Variants in LRRC8D observed in about 807,000 individuals in gnomAD.
The protein encoded by LRRC8D is leucine rich repeat containing 8 VRAC subunit D.
In LRRC8D, 20 loss-of-function variants were observed where a neutral mutation model predicts 55.8. That is an observed-to-expected ratio of 0.36 (90% CI 0.25 to 0.52). The LOEUF (loss-of-function observed/expected upper bound fraction) is 0.52, where lower values mean the gene tolerates loss of function less well. Ranked by LOEUF, LRRC8D falls within the 20% of genes least tolerant of loss-of-function variation. LRRC8D has a pLI of 0.93. For synonymous variants in LRRC8D, 352 were observed against 377.0 expected (o/e 0.93, Z 0.77); for missense variants, 651 against 1,030.8 (o/e 0.63, Z 5.05).
chr1:89,822,220 G>T (rs1660653421), intron 1 of LRRC8D: 1 of 152,860 alleles, frequency 6.5e-6, no homozygotes. Context: ...GGTGGGCTGT[G>T]AGGTTCCAGG....
chr1:89,907,454 T>C (rs1663025855), intron 2 of LRRC8D, among the ~76,000 whole-genome samples: 1 of 152,016 alleles, frequency 6.6e-6, no homozygotes, highest in Non-Finnish European at 1.5e-5. Context: ...CCTCACAAAG[T>C]GCTGGGATTA....
intron 1 of LRRC8D, among the ~76,000 whole-genome samples, chr1:89,831,128 ACTC>A (rs1443200854): frequency 2.0e-5 from 3 of 151,810 alleles, no homozygotes; most frequent in Admixed American, 6.6e-5. Flanking sequence ...CTGGTCTCGA[ACTC>A]CTAACCTCAT....
chr1:89,852,334 G>C (rs1392850158), intron 2 of LRRC8D, among the ~76,000 whole-genome samples: 1 of 152,138 alleles, frequency 6.6e-6, no homozygotes, highest in Non-Finnish European at 1.5e-5. Flanking sequence ...AGATTCCTCT[G>C]TGCTCCCCTT....
intron 1 of LRRC8D, among the ~76,000 whole-genome samples, chr1:89,825,638 G>A (rs1338307936): frequency 1.3e-5 from 2 of 152,188 alleles, no homozygotes; most frequent in Non-Finnish European, 2.9e-5. Context: ...GAGGATTGAG[G>A]TTTAGAAGCA....
intron 2 of LRRC8D, among the ~76,000 whole-genome samples, chr1:89,929,191 A>G (rs1457569440): frequency 6.6e-6 from 1 of 152,250 alleles, no homozygotes; most frequent in Admixed American, 6.5e-5. Context: ...GGGCGGAGGT[A>G]CAGAGTATTG....
chr1:89,840,076 A>G (rs961142168), intron 1 of LRRC8D, among the ~76,000 whole-genome samples: 3 of 152,344 alleles, frequency 2.0e-5, no homozygotes, highest in African/African-American at 2.4e-5. Flanking sequence ...GGATTATGGT[A>G]CTTAGGGAGT....
chr1:89,862,763 A>G (rs1443349543), intron 2 of LRRC8D, among the ~76,000 whole-genome samples: 2 of 151,994 alleles, frequency 1.3e-5, no homozygotes, highest in Non-Finnish European at 2.9e-5. Context: ...TTTTTTTTAC[A>G]TTTCCTGCTT....
intron 2 of LRRC8D, among the ~76,000 whole-genome samples, chr1:89,892,749 T>C (rs1221311520): frequency 2.6e-5 from 4 of 152,216 alleles, no homozygotes; most frequent in Non-Finnish European, 5.9e-5. Context: ...CTCGATCTTC[T>C]GACCTCATGA....
chr1:89,862,991 A>AG (rs1421498651), intron 2 of LRRC8D, among the ~76,000 whole-genome samples: 3 of 152,204 alleles, frequency 2.0e-5, no homozygotes, highest in Admixed American at 2.0e-4. Flanking sequence ...TGTTATTATA[A>AG]AAGTAATAAA....
At chr1:89,834,642 A>G (rs957088586) in intron 1 of LRRC8D, among the ~76,000 whole-genome samples, 6 of 152,258 alleles carry the variant, frequency 3.9e-5, no homozygotes, top group African/African-American at 1.4e-4. Flanking sequence ...TATATGTTGT[A>G]ATTCTTGTGA....
chr1:89,868,743 G>A (rs1374349646), intron 2 of LRRC8D, among the ~76,000 whole-genome samples: 2 of 152,208 alleles, frequency 1.3e-5, no homozygotes, highest in Admixed American at 1.3e-4. Flanking sequence ...TATCATACCA[G>A]CTCTAAAGAG....
intron 2 of LRRC8D, among the ~76,000 whole-genome samples, chr1:89,873,348 A>G (rs1310760420): frequency 6.6e-6 from 1 of 152,232 alleles, no homozygotes; most frequent in Non-Finnish European, 1.5e-5. Context: ...TTGCATATAT[A>G]CACTTTTTAG....
At chr1:89,828,014 G>C (rs920578127) in intron 1 of LRRC8D, among the ~76,000 whole-genome samples, 3 of 152,166 alleles carry the variant, frequency 2.0e-5, no homozygotes, top group Non-Finnish European at 4.4e-5. Flanking sequence ...ATGGAGTTTA[G>C]TTTTGAAAAC....
chr1:89,857,834 T>G (rs911275551), intron 2 of LRRC8D, among the ~76,000 whole-genome samples: 12 of 152,222 alleles, frequency 7.9e-5, no homozygotes, highest in African/African-American at 2.9e-4. Context: ...GCCCCACTAT[T>G]TCTGCATTAT....
At chr1:89,925,810 A>AAT (rs1663547778) in intron 2 of LRRC8D, among the ~76,000 whole-genome samples, 2 of 152,246 alleles carry the variant, frequency 1.3e-5, no homozygotes, top group Non-Finnish European at 2.9e-5. Flanking sequence ...ATGGTATAAC[A>AAT]GATGCATTAA....
chr1:89,920,370 GC>G (rs1333531116), intron 2 of LRRC8D, among the ~76,000 whole-genome samples: 2 of 152,076 alleles, frequency 1.3e-5, no homozygotes, highest in Non-Finnish European at 2.9e-5. Flanking sequence ...TTTATAAAAA[GC>G]TTTTGGTGGT....
chr1:89,917,167 A>C (rs149162904), intron 2 of LRRC8D, among the ~76,000 whole-genome samples: 84 of 152,280 alleles, frequency 5.5e-4, no homozygotes, highest in South Asian at 3.1e-3. Flanking sequence ...CATCTGTTAG[A>C]TATCTTTATA....
At chr1:89,860,705 C>T (rs1416599850) in intron 2 of LRRC8D, among the ~76,000 whole-genome samples, 1 of 129,456 alleles carries the variant, frequency 7.7e-6, no homozygotes, top group Non-Finnish European at 1.5e-5. Flanking sequence ...TTGCAGTGAG[C>T]CGAGATCACG....
At chr1:89,907,057 A>G (rs987606932) in intron 2 of LRRC8D, among the ~76,000 whole-genome samples, 4 of 151,944 alleles carry the variant, frequency 2.6e-5, no homozygotes, top group African/African-American at 9.7e-5. Flanking sequence ...CAACTCCTCC[A>G]AACAAATCTG....
Sources: gnomAD v4.1 joint callset for allele counts (sites outside exome capture counted in the v4.1 genomes callset) on GRCh38, gnomAD v4.1.1 for gene constraint, MANE v1.5 for transcripts, NCBI Gene and HGNC (gene_info 2026-07-23, HGNC 2026-07-21) for gene names.